Variants in GPM6B observed in about 807,000 individuals in gnomAD.
GPM6B encodes glycoprotein M6B, also known as neuronal membrane glycoprotein M6-b.
GPM6B carries 4 observed loss-of-function variants against 27.2 expected under a neutral mutation model. The observed-to-expected ratio is 0.15, with a 90% CI of 0.07 to 0.34. The LOEUF (loss-of-function observed/expected upper bound fraction) is 0.34. GPM6B is among the 10% of genes least tolerant of loss of function. The pLI, the probability that GPM6B is intolerant of heterozygous loss-of-function variation, is 1.00. For synonymous variants in GPM6B, 124 were observed against 103.1 expected (o/e 1.20, Z -1.23); for missense variants, 183 against 261.9 (o/e 0.70, Z 2.08).
At chrX:13,812,434 C>T (rs930680034) in intron 1 of GPM6B, among the ~76,000 whole-genome samples, 2 of 111,735 alleles carry the variant, frequency 1.8e-5, no homozygotes. Flanking sequence ...CTCTTAAAAA[C>T]AGTCGGTGTG....
At chrX:13,933,058 TACCA>T (rs370770614) in intron 1 of GPM6B, among the ~76,000 whole-genome samples, 180 of 111,601 alleles carry the variant, frequency 1.6e-3, no homozygotes, top group African/African-American at 5.3e-3. Context: ...TAGCATAGTT[TACCA>T]GAGTTTGCAG....
Position 13,817,005 on chromosome X carries a change from C to G in GPM6B, c.-101G>C. The stretch of plus-strand genomic sequence containing the variant: ...GACTCCCCTCCGTCTCTTATTTACA[C>G]CCGTCTGATTGAGAGGCTCTGTTCT... On this transcript the variant is annotated 5_prime_UTR_variant, in exon 1 of 8. Coordinates refer to ENST00000316715, the MANE Select transcript of GPM6B (RefSeq NM_001001995.3). The G allele has an allele frequency of 8.8e-7, 1 of 1,136,835 alleles. No homozygotes were observed. Among genetic ancestry groups the G allele is most frequent in the African/African-American group, 1.8e-5 (1 of 54,497 alleles). 93.7% of individuals were successfully genotyped at this position (1,136,835 alleles called of 1,213,427 possible).
At chrX:13,853,936 C>G (rs1365853772) in intron 1 of GPM6B, among the ~76,000 whole-genome samples, 1 of 112,235 alleles carries the variant, frequency 8.9e-6, no homozygotes, top group Admixed American at 9.4e-5. Flanking sequence ...TGCTTACCAC[C>G]AAGTTCCCGA....
chrX:13,904,230 T>TCC (rs1569297067), intron 1 of GPM6B, among the ~76,000 whole-genome samples: 4 of 112,104 alleles, frequency 3.6e-5, no homozygotes, highest in African/African-American at 1.3e-4. Flanking sequence ...AGTGGAGGTA[T>TCC]AACATACACT....
chrX:13,907,906 A>C (rs748275054), intron 1 of GPM6B, among the ~76,000 whole-genome samples: 42 of 112,078 alleles, frequency 3.7e-4, no homozygotes, highest in Non-Finnish European at 7.3e-4. Flanking sequence ...CTGGTGGCAC[A>C]ACTCTGAAAA....
At chrX:13,777,547 G>T in intron 5 of GPM6B, 122 bp from the exon 6 acceptor site, 1 of 503,090 alleles carries the variant, frequency 2.0e-6, no homozygotes, top group Non-Finnish European at 3.5e-6. Flanking sequence ...ATTAAGAATT[G>T]ATGGATCTGC....
intron 2 of GPM6B, among the ~76,000 whole-genome samples, chrX:13,790,151 G>T: frequency 8.9e-6 from 1 of 112,291 alleles, no homozygotes; most frequent in South Asian, 3.7e-4. Context: ...ACCATGCCTG[G>T]TCTGCCAGGG....
At chrX:13,800,217 T>G (rs2048896356) in intron 2 of GPM6B, among the ~76,000 whole-genome samples, 1 of 111,346 alleles carries the variant, frequency 9.0e-6, no homozygotes, top group African/African-American at 3.3e-5. Context: ...GCCAGCAGCT[T>G]GTGAGGAACT....
intron 1 of GPM6B, among the ~76,000 whole-genome samples, chrX:13,931,712 T>C (rs1408758417): frequency 9.0e-6 from 1 of 111,503 alleles, no homozygotes; most frequent in Non-Finnish European, 1.9e-5. Flanking sequence ...GATTCATTTA[T>C]ATGTGTCCAT....
upstream of GPM6B, among the ~76,000 whole-genome samples, chrX:13,817,836 G>T (rs923165254): frequency 8.9e-6 from 1 of 111,989 alleles, no homozygotes; most frequent in Non-Finnish European, 1.9e-5. Flanking sequence ...TTGTAAAAAG[G>T]CACCCTTCCT....
chrX:13,921,972 T>C (rs150484720), intron 1 of GPM6B, among the ~76,000 whole-genome samples: 67 of 111,509 alleles, frequency 6.0e-4, no homozygotes, highest in Non-Finnish European at 3.0e-4. Flanking sequence ...GTCATTGCCA[T>C]GTAAAGGGGA....
intron 2 of GPM6B, 130 bp from the exon 3 acceptor site, chrX:13,785,938 T>G: frequency 4.0e-6 from 2 of 498,143 alleles, no homozygotes; most frequent in Non-Finnish European, 3.3e-6. Context: ...TTAATATTAA[T>G]ACTTCGACAT....
At chrX:13,869,601 C>T (rs1206188787) in intron 1 of GPM6B, among the ~76,000 whole-genome samples, 1 of 111,460 alleles carries the variant, frequency 9.0e-6, no homozygotes, top group African/African-American at 3.3e-5. Flanking sequence ...CCAATGGTCT[C>T]CCCTTGGACT....
chrX:13,919,592 G>C (rs1205666143), intron 1 of GPM6B, among the ~76,000 whole-genome samples: 2 of 112,019 alleles, frequency 1.8e-5, no homozygotes, highest in Non-Finnish European at 3.8e-5. Context: ...CATTTTTACT[G>C]ACTTCAACTA....
chrX:13,798,499 G>C (rs1450803012), intron 2 of GPM6B, among the ~76,000 whole-genome samples: 2 of 112,239 alleles, frequency 1.8e-5, no homozygotes, highest in Non-Finnish European at 3.8e-5. Flanking sequence ...TATAGCACGT[G>C]CTATATGCAA....
chrX:13,784,893 C>A lies in GPM6B; in HGVS notation c.368+729G>T, dbSNP rs750795987. Among the ~76,000 whole-genome samples the A allele has an allele frequency of 2.3e-3, 255 of 111,914 alleles. 2 individuals are homozygous for A. Among genetic ancestry groups the A allele is most frequent in the African/African-American group, 7.8e-3 (242 of 30,850 alleles). ...AAGAGTTAATGTTAAAATACTGCTCCTGTAGGCTTAGAGTTGGGGTCAGTC... is the reference window on the plus strand; with the variant it reads ...AAGAGTTAATGTTAAAATACTGCTCATGTAGGCTTAGAGTTGGGGTCAGTC... On this transcript the variant is annotated intron_variant, in intron 3 of 7. Transcript: ENST00000316715.
chrX:13,834,776 A>G (rs1040471936), intron 1 of GPM6B, among the ~76,000 whole-genome samples: 1 of 112,209 alleles, frequency 8.9e-6, no homozygotes, highest in Non-Finnish European at 1.9e-5. Context: ...CATTCTCAGG[A>G]AAGCTTCTCA....
chrX:13,773,117 AAAGGGGCGAAGG>A (rs1485303221), intron 7 of GPM6B, 87 bp from the exon 8 acceptor site: 1 of 826,970 alleles, frequency 1.2e-6, no homozygotes, highest in Non-Finnish European at 1.8e-6. Context: ...ACTTGACTTT[AAAGGGGCGAAGG>A]TTAATTCTGT....
At position 13,777,423 on chromosome X, in the gene GPM6B, T is replaced by C; in HGVS notation, c.700A>G (p.Ile234Val). Residue 234 changes from isoleucine to valine, a missense_variant and splice_region_variant, in exon 6 of 8, where the codon ATC becomes GTC. Physicochemically the swap from Ile to Val is conservative, Grantham distance 29 (BLOSUM62 3). Transcript: ENST00000316715. ...CCGGGGAAAGCATTCCAAGGAATGA[T>C]ACCTGTAAAATGAACCCCAATAGGA... The part of the protein sequence containing the change: ...QICVDIRQYG[I>V]IPWNAFPGKI... 8.4e-7 allele frequency: 1 copy of C among 1,184,628 alleles called. No individual in the cohort carries two copies. The highest frequency in any genetic ancestry group is 1.1e-6 in the Non-Finnish European group (1 of 870,683).
Sources: allele counts gnomAD v4.1 joint callset (sites outside exome capture counted in the v4.1 genomes callset), GRCh38; gene constraint gnomAD v4.1.1; transcripts MANE v1.5; gene names NCBI Gene and HGNC (gene_info 2026-07-23, HGNC 2026-07-21).